CDK5R1: variants seen among roughly 807,000 people sequenced by gnomAD.
The protein encoded by CDK5R1 is cyclin-dependent kinase 5 activator 1.
A neutral mutation model predicts 19.0 loss-of-function variants in CDK5R1; 1 was observed. That is an observed-to-expected ratio of 0.05 (90% CI 0.02 to 0.25). The LOEUF is 0.25. Among genes scored for constraint, CDK5R1 ranks in the 10% least tolerant of loss-of-function variants. The pLI is 1.00. For missense variants in CDK5R1, 314 were observed against 401.0 expected, an observed-to-expected ratio of 0.78 and a Z score of 1.85; for synonymous variants, 225 against 187.7, an observed-to-expected ratio of 1.20 and a Z score of -1.62.
In CDK5R1 at chr17:32,489,089, TTG is replaced by T. The variant is rs1291272483; in HGVS notation, c.*549_*550del. 2.1e-6 allele frequency: 1 copy of T among 468,626 alleles called. No homozygotes were observed. The highest frequency in any genetic ancestry group is 4.4e-6 in the Non-Finnish European group (1 of 225,840). The allele number at this position is 468,626 out of a possible 1,614,324, so 29.0% of individuals were successfully genotyped here. On this transcript the variant is annotated 3_prime_UTR_variant, in exon 2 of 2. Coordinates refer to ENST00000313401, the MANE Select transcript of CDK5R1 (RefSeq NM_003885.3). The stretch of plus-strand genomic sequence containing the variant: ...AAGCTGAGCGGGTCTAGTGGAAAGA[TTG>T]TGTCTGGTCGTTTGACCACACACCG...
Position 32,488,946 on chromosome 17 carries a change from G to C in CDK5R1, c.*402G>C, listed in dbSNP as rs888475520. ...GGTTGGAGGCCCTTTTCTGGCTCCT[G>C]TGTGGAGTTATTCACTCTCCCAGAG... On this transcript the variant is annotated 3_prime_UTR_variant, in exon 2 of 2. Transcript: ENST00000313401. 2 of 372,642 alleles carry C rather than the reference G, an allele frequency of 5.4e-6. No homozygotes were observed. The highest frequency in any genetic ancestry group is 2.1e-5 in the African/African-American group (1 of 46,788). 23.1% of individuals were successfully genotyped at this position (372,642 alleles called of 1,614,324 possible).
Position 32,490,593 on chromosome 17 carries a change from GAAC to G in CDK5R1, c.*2053_*2055del, listed in dbSNP as rs1008357260. ...CACTGGTCATCAGTATTGTGTAAAGGAACAACTGATATACTTGAGTGTGCAAGC... is the reference window on the plus strand; with the variant it reads ...CACTGGTCATCAGTATTGTGTAAAGGAACTGATATACTTGAGTGTGCAAGC... On this transcript the variant is annotated 3_prime_UTR_variant, in exon 2 of 2. Transcript: ENST00000313401. The G allele has an allele frequency of 1.2e-5, 2 of 166,968 alleles. No individual in the cohort carries two copies. The highest frequency in any genetic ancestry group is 2.9e-5 in the Non-Finnish European group (2 of 68,098). The allele number at this position is 166,968 out of a possible 1,614,324, so 10.3% of individuals were successfully genotyped here.
In CDK5R1 at chr17:32,487,245, C is replaced by T. The variant is rs1453297658; in HGVS notation, c.-146+83C>T. 2.7e-5 allele frequency: 4 copies of T among 147,164 alleles called. No homozygotes were observed. Among genetic ancestry groups the T allele is most frequent in the Admixed American group, 2.7e-4 (4 of 14,822 alleles). 9.1% of individuals were successfully genotyped at this position (147,164 alleles called of 1,614,324 possible). The stretch of plus-strand genomic sequence containing the variant: ...CCGTGCGGGGTGTCCAGGCGGGGGT[C>T]CTCGGCCGCCTCCGTCGGCGACCGG... On this transcript the variant is annotated intron_variant, in intron 1 of 1. Transcript: ENST00000313401. This position sits in a 1 kb window ranked among gnomAD's most constrained non-coding sequence, Gnocchi z 7.9.
At position 32,488,181 on chromosome 17, in the gene CDK5R1, G is replaced by A; in HGVS notation, c.561G>A (p.Leu187=). Residue 187 remains leucine, a synonymous_variant, in exon 2 of 2, where the codon CTG becomes CTA. Coordinates refer to ENST00000313401, the MANE Select transcript of CDK5R1 (RefSeq NM_003885.3). ...WLRSVDRSLL[L]QGWQDQGFIT... ...GCAGCGTGGACCGCTCGCTGCTTCTGCAGGGCTGGCAGGACCAGGGCTTCA... is the reference window on the plus strand; with the variant it reads ...GCAGCGTGGACCGCTCGCTGCTTCTACAGGGCTGGCAGGACCAGGGCTTCA... 2 of 1,613,856 alleles carry A rather than the reference G, an allele frequency of 1.2e-6. No individual in the cohort carries two copies. Among genetic ancestry groups the A allele is most frequent in the African/African-American group, 2.7e-5 (2 of 75,076 alleles).
In CDK5R1 at chr17:32,488,643, A is replaced by C. The variant is rs537981398; in HGVS notation, c.*99A>C. The C allele has an allele frequency of 6.4e-7, 1 of 1,556,054 alleles. No homozygotes were observed. Among genetic ancestry groups the C allele is most frequent in the Non-Finnish European group, 8.7e-7 (1 of 1,149,394 alleles). On this transcript the variant is annotated 3_prime_UTR_variant, in exon 2 of 2. Coordinates refer to ENST00000313401, the MANE Select transcript of CDK5R1 (RefSeq NM_003885.3). ...CAGTATGTGTCTAGCAAAGCCACCAAGGGCCTCACCTTTCCCACAGTCTCT... is the reference window on the plus strand; with the variant it reads ...CAGTATGTGTCTAGCAAAGCCACCACGGGCCTCACCTTTCCCACAGTCTCT...
Position 32,489,192 on chromosome 17 carries a change from C to T in CDK5R1, c.*648C>T, listed in dbSNP as rs1332307439. ...AGAAATGGAACTCGCCCCCCTACCC[C>T]CTTGTCTGCTGCTCCCAGCCACGTT... On this transcript the variant is annotated 3_prime_UTR_variant, in exon 2 of 2. Transcript: ENST00000313401. 8.5e-6 allele frequency: 4 copies of T among 471,070 alleles called. No homozygotes were observed. The highest frequency in any genetic ancestry group is 2.0e-5 in the African/African-American group (1 of 50,102). 29.2% of individuals were successfully genotyped at this position (471,070 alleles called of 1,614,324 possible).
At position 32,488,922 on chromosome 17, in the gene CDK5R1, G is replaced by A. The variant is rs191835402; in HGVS notation, c.*378G>A. ...GCCCAGGGAGGAATTGGGGTTTCTG[G>A]TTGGAGGCCCTTTTCTGGCTCCTGT... On this transcript the variant is annotated 3_prime_UTR_variant, in exon 2 of 2. Transcript: ENST00000313401. 1 of 375,208 alleles carries A rather than the reference G, an allele frequency of 2.7e-6. No individual in the cohort carries two copies. The highest frequency in any genetic ancestry group is 3.8e-5 in the Admixed American group (1 of 26,178). 23.2% of individuals were successfully genotyped at this position (375,208 alleles called of 1,614,324 possible).
rs1908771458 is a variant in CDK5R1, at chr17:32,488,846, G to A, written c.*302G>A. On this transcript the variant is annotated 3_prime_UTR_variant, in exon 2 of 2. Transcript: ENST00000313401. ...CCCTTGCTGGGTCCAGGGTAGGCAAGGCTGCCGGCTGCACCCTGTATGGAG... is the reference window on the plus strand; with the variant it reads ...CCCTTGCTGGGTCCAGGGTAGGCAAAGCTGCCGGCTGCACCCTGTATGGAG... 2.3e-6 allele frequency: 1 copy of A among 435,298 alleles called. No individual in the cohort carries two copies. Among genetic ancestry groups the A allele is most frequent in the Non-Finnish European group, 4.4e-6 (1 of 226,314 alleles). The allele number at this position is 435,298 out of a possible 1,614,324, so 27.0% of individuals were successfully genotyped here.
In CDK5R1 at chr17:32,490,539, T is replaced by G. The variant is rs1038057055; in HGVS notation, c.*1995T>G. The G allele has an allele frequency of 1.8e-5, 3 of 167,098 alleles. No homozygotes were observed. Among genetic ancestry groups the G allele is most frequent in the Non-Finnish European group, 4.4e-5 (3 of 68,120 alleles). 10.4% of individuals were successfully genotyped at this position (167,098 alleles called of 1,614,324 possible). On this transcript the variant is annotated 3_prime_UTR_variant, in exon 2 of 2. Transcript: ENST00000313401. ...GGGAAGAACTCTCTAGTTCCCTCAG[T>G]GTGAAGCCTGTCGTGTTCTCTCCCC...
rs1908792338 is a variant in CDK5R1, at chr17:32,489,377, G to T, written c.*833G>T. 6.8e-6 allele frequency: 3 copies of T among 442,908 alleles called. No individual in the cohort carries two copies. Among genetic ancestry groups the T allele is most frequent in the African/African-American group, 4.1e-5 (2 of 49,316 alleles). 27.4% of individuals were successfully genotyped at this position (442,908 alleles called of 1,614,324 possible). ...GTGGCAAATGCCAGGACAGCTGCAG[G>T]TGCCCATTAGCAACGCCTGCCTTCT... On this transcript the variant is annotated 3_prime_UTR_variant, in exon 2 of 2. Transcript: ENST00000313401.
At position 32,488,637 on chromosome 17, in the gene CDK5R1, C is replaced by T; in HGVS notation, c.*93C>T. On this transcript the variant is annotated 3_prime_UTR_variant, in exon 2 of 2. Coordinates refer to ENST00000313401, the MANE Select transcript of CDK5R1 (RefSeq NM_003885.3). Reference sequence around the variant, plus strand: ...TGTGTACAGTATGTGTCTAGCAAAGCCACCAAGGGCCTCACCTTTCCCACA... The same window carrying T: ...TGTGTACAGTATGTGTCTAGCAAAGTCACCAAGGGCCTCACCTTTCCCACA... The T allele has an allele frequency of 6.4e-7, 1 of 1,559,050 alleles. No homozygotes were observed. Among genetic ancestry groups the T allele is most frequent in the Non-Finnish European group, 8.7e-7 (1 of 1,150,820 alleles).
In CDK5R1 at chr17:32,487,583, G is replaced by T. The variant is rs1908718998; in HGVS notation, c.-38G>T. 2 of 1,561,274 alleles carry T rather than the reference G, an allele frequency of 1.3e-6. No individual in the cohort carries two copies. Among genetic ancestry groups the T allele is most frequent in the Non-Finnish European group, 1.7e-6 (2 of 1,149,390 alleles). On this transcript the variant is annotated 5_prime_UTR_variant, in exon 2 of 2. Coordinates refer to ENST00000313401, the MANE Select transcript of CDK5R1 (RefSeq NM_003885.3). This position sits in a 1 kb window ranked among gnomAD's most constrained non-coding sequence, Gnocchi z 7.9. ...TCCCTCCGGCCGGCAGGCTGGGCGC[G>T]CAGGGGCGCGAGCCCCCGCCCGGCG...
In CDK5R1 at chr17:32,488,777, C is replaced by T; in HGVS notation, c.*233C>T. ...AGAGCCACCCAGGCCACTGACCTCC[C>T]ACTTTGGGGAACTCAAAGGACTGAC... On this transcript the variant is annotated 3_prime_UTR_variant, in exon 2 of 2. Transcript: ENST00000313401. The T allele has an allele frequency of 1.4e-6, 1 of 706,916 alleles. No homozygotes were observed. Among genetic ancestry groups the T allele is most frequent in the African/African-American group, 1.8e-5 (1 of 55,400 alleles). The allele number at this position is 706,916 out of a possible 1,614,324, so 43.8% of individuals were successfully genotyped here. A position where few individuals can be genotyped will look rare whatever the true frequency, so the allele number is the denominator to read the frequency against.
rs1439452323 is a variant in CDK5R1 at position 32,487,981 on chromosome 17, G to A, written c.361G>A (p.Gly121Ser). 2.5e-6 allele frequency: 4 copies of A among 1,613,176 alleles called. No individual in the cohort carries two copies. Among genetic ancestry groups the A allele is most frequent in the South Asian group, 1.1e-5 (1 of 91,056 alleles). ...CCAGCTCTCGGGTTCCCAGACCGGG[G>A]GCTCCTCCTCAGTCAAGAAAGCCCC... Reference protein sequence around the residue: ...ASQLSGSQTGGSSSVKKAPHP... With the variant: ...ASQLSGSQTGSSSSVKKAPHP... The change falls in exon 2 of 2, where the codon GGC (glycine) becomes AGC (serine). Residue 121 changes from glycine (G) to serine (S), a missense_variant. Gly to Ser is a moderately conservative substitution (Grantham distance 56). Transcript: ENST00000313401. This position sits in a 1 kb window ranked among gnomAD's most constrained non-coding sequence, Gnocchi z 7.9.
rs1236586886 is a variant in CDK5R1, at chr17:32,489,259, C to G, written c.*715C>G. 1 of 471,134 alleles carries G rather than the reference C, an allele frequency of 2.1e-6. No homozygotes were observed. The highest frequency in any genetic ancestry group is 2.0e-5 in the African/African-American group (1 of 50,216). The allele number at this position is 471,134 out of a possible 1,614,324, so 29.2% of individuals were successfully genotyped here. A position where few individuals can be genotyped will look rare whatever the true frequency, so the allele number is the denominator to read the frequency against. ...GAGCTGGTTTGACTCATTAATTTCT[C>G]TCAATTTGGGTCCCAGCTAAAGAGG... On this transcript the variant is annotated 3_prime_UTR_variant, in exon 2 of 2. Coordinates refer to ENST00000313401, the MANE Select transcript of CDK5R1 (RefSeq NM_003885.3).
At position 32,487,485 on chromosome 17, in the gene CDK5R1, A is replaced by AG; in HGVS notation, c.-131dup. On this transcript the variant is annotated 5_prime_UTR_variant, in exon 2 of 2. Transcript: ENST00000313401. The surrounding 1 kb of genome is among the most constrained non-coding windows in gnomAD (Gnocchi z 7.9). ...CCATCTTGTTTTCCAGGCAGATCCA[A>AG]GGGGGCAGCACGCTTCCCGGGAGCG... 1.6e-6 allele frequency: 1 copy of AG among 621,066 alleles called. No individual in the cohort carries two copies. Among genetic ancestry groups the AG allele is most frequent in the Non-Finnish European group, 2.7e-6 (1 of 365,218 alleles). The allele number at this position is 621,066 out of a possible 1,614,324, so 38.5% of individuals were successfully genotyped here.
chr17:32,488,565 G>A lies in CDK5R1; in HGVS notation c.*21G>A, dbSNP rs376942496. The A allele has an allele frequency of 7.4e-5, 119 of 1,613,918 alleles. No individual in the cohort carries two copies. The highest frequency in any genetic ancestry group is 9.1e-5 in the Non-Finnish European group (107 of 1,180,020). On this transcript the variant is annotated 3_prime_UTR_variant, in exon 2 of 2. Coordinates refer to ENST00000313401, the MANE Select transcript of CDK5R1 (RefSeq NM_003885.3). ...GGTGAGCACTGTAGCCTGCGTCATG[G>A]CTCAAGGATTCAATGCATTTTTAAG...
rs1908755496 is a variant in CDK5R1 at position 32,488,412 on chromosome 17, C to T, written c.792C>T (p.Val264=). 3 of 1,613,990 alleles carry T rather than the reference C, an allele frequency of 1.9e-6. No homozygotes were observed. The highest frequency in any genetic ancestry group is 1.7e-5 in the Admixed American group (1 of 59,990). Residue 264 remains valine (V), a synonymous_variant, in exon 2 of 2, where the codon GTC becomes GTT. Coordinates refer to ENST00000313401, the MANE Select transcript of CDK5R1 (RefSeq NM_003885.3). The stretch of plus-strand genomic sequence containing the variant: ...CCTTTTGGGACCGTTGCCTCTCTGT[C>T]ATCAACCTCATGAGCTCAAAGATGC... ...KEAFWDRCLS[V]INLMSSKMLQ...
chr17:32,487,413 C>T lies in CDK5R1; in HGVS notation c.-145-63C>T, dbSNP rs1908708445. The T allele has an allele frequency of 7.4e-6, 3 of 404,304 alleles. No individual in the cohort carries two copies. Among genetic ancestry groups the T allele is most frequent in the Non-Finnish European group, 1.3e-5 (3 of 228,762 alleles). The allele number at this position is 404,304 out of a possible 1,614,324, so 25.0% of individuals were successfully genotyped here. On this transcript the variant is annotated intron_variant, in intron 1 of 1. Transcript: ENST00000313401. This position sits in a 1 kb window ranked among gnomAD's most constrained non-coding sequence, Gnocchi z 7.9. The stretch of plus-strand genomic sequence containing the variant: ...TGCGCCGAGGCGCGGGGCGGAGGGG[C>T]GCAGGGGCGCAGGGGCGCGGCGCGG...
Sources: gnomAD v4.1 joint callset for allele counts on GRCh38, gnomAD v4.1.1 for gene constraint, Gnocchi (gnomAD v3.1) non-coding constraint, MANE v1.5 for transcripts, NCBI Gene and HGNC (gene_info 2026-07-23, HGNC 2026-07-21) for gene names.